Variants in NPAS2 observed in about 807,000 individuals in gnomAD.
NPAS2 encodes neuronal PAS domain protein 2.
In NPAS2, 23 loss-of-function variants were observed where a neutral mutation model predicts 107.5. That is an observed-to-expected ratio of 0.21 (90% confidence interval 0.15 to 0.30). NPAS2 has a LOEUF of 0.30. Ranked by LOEUF, NPAS2 falls within the 10% of genes least tolerant of loss-of-function variation. The probability of loss-of-function intolerance (pLI) is 1.00; values close to 1 mark genes in which losing one functional copy is unlikely to be tolerated. For synonymous variants in NPAS2, 403 were observed against 417.5 expected, an observed-to-expected ratio of 0.97 and a Z score of 0.42; for missense variants, 756 against 1,043.3, an observed-to-expected ratio of 0.72 and a Z score of 3.79.
At chr2:100,990,198 G>T in intron 17 of NPAS2, 58 bp from the exon 18 acceptor site, 1 of 1,543,406 alleles carries the variant, frequency 6.5e-7, no homozygotes, top group Non-Finnish European at 8.9e-7. Flanking sequence ...AGGTTTCCTG[G>T]AGAGATGGCC....
In NPAS2 at chr2:100,916,461, A is replaced by C. The variant is rs546527180; in HGVS notation, c.33-8685A>C. ...AAAGAAAGCCAAAATGGTTCTATTA[A>C]TATCAAATGAAATAGATTTCAGAGC... On this transcript the variant is annotated intron_variant, in intron 2 of 20. Coordinates refer to ENST00000335681, the MANE Select transcript of NPAS2 (RefSeq NM_002518.4). 1.9e-3 allele frequency among the ~76,000 whole-genome samples: 288 copies of C among 152,340 alleles called. 2 individuals are homozygous for C. Among genetic ancestry groups the C allele is most frequent in the Middle Eastern group, 6.8e-3 (2 of 294 alleles).
At chr2:100,923,565 G>T (rs939287893) in intron 2 of NPAS2, among the ~76,000 whole-genome samples, 3 of 152,170 alleles carry the variant, frequency 2.0e-5, no homozygotes, top group African/African-American at 7.2e-5. Flanking sequence ...TCAGAATCCA[G>T]CAGCACACTC....
At chr2:100,900,646 G>A (rs1268738776) in intron 1 of NPAS2, among the ~76,000 whole-genome samples, 1 of 152,162 alleles carries the variant, frequency 6.6e-6, no homozygotes, top group Non-Finnish European at 1.5e-5. Flanking sequence ...ATGTTGACCA[G>A]TAGGTGAAAG....
At chr2:100,979,617 G>A (rs1464986929) in intron 15 of NPAS2, among the ~76,000 whole-genome samples, 1 of 146,490 alleles carries the variant, frequency 6.8e-6, no homozygotes, top group Non-Finnish European at 1.5e-5. Context: ...GGGTTCCAGC[G>A]ATTCTTCTGC....
intron 4 of NPAS2, among the ~76,000 whole-genome samples, 154 bp from the exon 5 acceptor site, chr2:100,937,599 G>A (rs377186658): frequency 6.6e-5 from 10 of 152,292 alleles, no homozygotes; most frequent in East Asian, 3.9e-4. Flanking sequence ...GCTGTCCTCC[G>A]TGGAAGGCCA....
chr2:100,959,321 T>C (rs973220337), intron 7 of NPAS2, among the ~76,000 whole-genome samples: 3 of 152,002 alleles, frequency 2.0e-5, no homozygotes, highest in East Asian at 1.9e-4. Flanking sequence ...GGCTCCTGCC[T>C]TTTCTCCAAC....
chr2:100,845,454 T>G (rs1214425226), intron 1 of NPAS2, among the ~76,000 whole-genome samples: 1 of 152,200 alleles, frequency 6.6e-6, no homozygotes, highest in Non-Finnish European at 1.5e-5. Flanking sequence ...TCAGTGCCAA[T>G]GTAGCACTGG....
chr2:100,966,624 C>T (rs936201210), intron 10 of NPAS2, among the ~76,000 whole-genome samples: 1 of 142,592 alleles, frequency 7.0e-6, no homozygotes, highest in Non-Finnish European at 1.5e-5. Context: ...GACAGATTCT[C>T]GCTCTGTCAC....
chr2:100,988,715 T>TGCCCCCTGCTCCTCCAGGC (rs1280035411), intron 17 of NPAS2: 7 of 325,882 alleles, frequency 2.1e-5, no homozygotes, highest in African/African-American at 9.1e-5. Context: ...TTGCCCCAGG[T>TGCCCCCTGCTCCTCCAGGC]GCCCCCTGCT....
chr2:100,964,735 C>A, intron 8 of NPAS2, 126 bp from the exon 9 acceptor site: 1 of 634,624 alleles, frequency 1.6e-6, no homozygotes, highest in Non-Finnish European at 2.7e-6. Context: ...TTCAGTCCAA[C>A]ACGACTTGGA....
intron 12 of NPAS2, among the ~76,000 whole-genome samples, chr2:100,973,008 G>A (rs928401783): frequency 2.0e-5 from 3 of 152,032 alleles, no homozygotes; most frequent in Admixed American, 6.5e-5. Context: ...GAGAAACCCC[G>A]TCTCCACTAA....
At chr2:100,856,880 A>G (rs1338018033) in intron 1 of NPAS2, among the ~76,000 whole-genome samples, 2 of 152,200 alleles carry the variant, frequency 1.3e-5, no homozygotes, top group South Asian at 2.1e-4. Context: ...ATTTCAGAGC[A>G]GGTAGTAAGA....
intron 15 of NPAS2, among the ~76,000 whole-genome samples, chr2:100,979,862 A>G (rs1161878925): frequency 2.6e-5 from 4 of 152,308 alleles, no homozygotes; most frequent in Middle Eastern, 3.4e-3. Context: ...TCCCTGCATA[A>G]TACTGACTTT....
At chr2:100,899,249 A>G (rs1355250920) in intron 1 of NPAS2, among the ~76,000 whole-genome samples, 1 of 145,956 alleles carries the variant, frequency 6.9e-6, no homozygotes, top group Non-Finnish European at 1.5e-5. Flanking sequence ...TTTGAGACAG[A>G]GTCTGGCTCT....
intron 7 of NPAS2, among the ~76,000 whole-genome samples, chr2:100,953,346 C>T (rs1377557561): frequency 6.7e-6 from 1 of 149,680 alleles, no homozygotes; most frequent in South Asian, 2.1e-4. Context: ...AGTACTCCAG[C>T]CTGGGTGACA....
Position 100,864,698 on chromosome 2 carries a change from A to G in NPAS2, c.-22-40035A>G, listed in dbSNP as rs377339789. Among the ~76,000 whole-genome samples, 8 of 152,238 alleles carry G rather than the reference A, an allele frequency of 5.3e-5. No individual in the cohort carries two copies. In the East Asian group the frequency reaches 1.2e-3, roughly 22 times the overall value. On this transcript the variant is annotated intron_variant, in intron 1 of 20. Transcript: ENST00000335681. Reference sequence around the variant, plus strand: ...TTAAGTATTTCTGGTAAGTGTCAACATTTGTAACCAAGGATTTATGTTGAA... The same window carrying G: ...TTAAGTATTTCTGGTAAGTGTCAACGTTTGTAACCAAGGATTTATGTTGAA...
chr2:100,873,301 TATATATACACACACACACAC>T lies in NPAS2; in HGVS notation c.-22-31430_-22-31411del, dbSNP rs1467575075. ...ATATATATATATATATATATATATA[TATATATACACACACACACAC>T]ACACACACACACACACACACATATA... On this transcript the variant is annotated intron_variant, in intron 1 of 20. Transcript: ENST00000335681. 1.9e-4 allele frequency among the ~76,000 whole-genome samples: 12 copies of T among 64,774 alleles called. No homozygotes were observed. In the East Asian group the frequency reaches 5.4e-3, roughly 29 times the overall value. 42.5% of individuals were successfully genotyped at this position (64,774 alleles called of 152,430 possible).
At chr2:100,852,910 G>A (rs747353540) in intron 1 of NPAS2, among the ~76,000 whole-genome samples, 8 of 152,032 alleles carry the variant, frequency 5.3e-5, no homozygotes, top group East Asian at 1.9e-4. Flanking sequence ...AAAAAAACCC[G>A]CTAATGGCTT....
chr2:100,950,868 C>T (rs1675181538), intron 7 of NPAS2, among the ~76,000 whole-genome samples: 2 of 152,132 alleles, frequency 1.3e-5, no homozygotes, highest in Admixed American at 1.3e-4. Flanking sequence ...ATCTGAAAGG[C>T]TTGTCTAAAC....
Sources: allele counts gnomAD v4.1 joint callset (sites outside exome capture counted in the v4.1 genomes callset), GRCh38; gene constraint gnomAD v4.1.1; transcripts MANE v1.5; gene names NCBI Gene and HGNC (gene_info 2026-07-23, HGNC 2026-07-21).